Variants in TMEM217 observed in about 807,000 individuals in gnomAD.
TMEM217 encodes the protein chromosome 6 open reading frame 128.
For missense variants in TMEM217, 204 were observed against 248.8 expected (o/e 0.82, Z 1.21); for synonymous variants, 76 against 88.3 (o/e 0.86, Z 0.78).
exon 2 of TMEM217, chr6:37,218,560 C>A: frequency 2.5e-6 from 4 of 1,614,094 alleles, no homozygotes; most frequent in Non-Finnish European, 3.4e-6. Context: ...TGCCCTGGCT[C>A]CGGTTTTTGT....
At chr6:37,216,180 G>A (rs1237647171), downstream of TMEM217, among the ~76,000 whole-genome samples, 3 of 152,070 alleles carry the variant, frequency 2.0e-5, no homozygotes, top group African/African-American at 7.2e-5. Flanking sequence ...CCAAGTTCAA[G>A]CAATTCTCCT....
chr6:37,232,131 AT>A (rs1764236496), intron 1 of TMEM217, among the ~76,000 whole-genome samples: 1 of 152,172 alleles, frequency 6.6e-6, no homozygotes, highest in East Asian at 1.9e-4. Context: ...AATGGAATTT[AT>A]TCTTAAATCT....
At chr6:37,227,985 G>A (rs758608002) in intron 1 of TMEM217, among the ~76,000 whole-genome samples, 4 of 152,062 alleles carry the variant, frequency 2.6e-5, no homozygotes, top group African/African-American at 9.7e-5. Flanking sequence ...TCCATGTTAC[G>A]GAAAGTTTCA....
At chr6:37,212,785 C>G (rs1762981205), downstream of TMEM217, 1 of 716,820 alleles carries the variant, frequency 1.4e-6, no homozygotes, top group African/African-American at 1.7e-5. Flanking sequence ...GAGGGAGAGG[C>G]CAGTGCTGAT....
chr6:37,239,988 A>G (rs951559008), intron 1 of TMEM217, among the ~76,000 whole-genome samples: 2 of 152,112 alleles, frequency 1.3e-5, no homozygotes, highest in African/African-American at 4.8e-5. Flanking sequence ...TTCTTCTAAC[A>G]GGAAATCTGG....
intron 1 of TMEM217, among the ~76,000 whole-genome samples, chr6:37,238,245 A>C (rs1170612463): frequency 6.6e-6 from 1 of 152,114 alleles, no homozygotes; most frequent in Admixed American, 6.6e-5. Context: ...TATTTAAAAC[A>C]TTCAGAACAG....
chr6:37,214,225 TTC>T (rs370031606), downstream of TMEM217, among the ~76,000 whole-genome samples: 78 of 148,926 alleles, frequency 5.2e-4, no homozygotes, highest in East Asian at 7.8e-4. Context: ...AGAACTTCCT[TTC>T]TCTCTCTCTC....
chr6:37,232,019 T>C (rs1764229919), intron 1 of TMEM217, among the ~76,000 whole-genome samples: 1 of 152,108 alleles, frequency 6.6e-6, no homozygotes, highest in African/African-American at 2.4e-5. Context: ...AATTATCTGC[T>C]TTCTCCTTAC....
chr6:37,253,187 T>C (rs1204620086), intron 1 of TMEM217, among the ~76,000 whole-genome samples: 2 of 152,238 alleles, frequency 1.3e-5, no homozygotes, highest in Non-Finnish European at 2.9e-5. Flanking sequence ...CCCTCTTTAA[T>C]GGTATAACAT....
At chr6:37,255,977 A>AC (rs1765703850) in intron 1 of TMEM217, among the ~76,000 whole-genome samples, 1 of 152,286 alleles carries the variant, frequency 6.6e-6, no homozygotes, top group South Asian at 2.1e-4. Context: ...TGTTAACTAC[A>AC]CCCCCTGGGA....
intron 1 of TMEM217, among the ~76,000 whole-genome samples, chr6:37,243,012 C>T (rs1583478943): frequency 1.3e-5 from 2 of 152,258 alleles, no homozygotes; most frequent in East Asian, 1.9e-4. Context: ...GCTGGGAAAG[C>T]AAGTTTCTGG....
At chr6:37,220,483 T>C (rs2113817881) in intron 1 of TMEM217, among the ~76,000 whole-genome samples, 1 of 151,842 alleles carries the variant, frequency 6.6e-6, no homozygotes, top group East Asian at 1.9e-4. Flanking sequence ...AAAGTTGGCT[T>C]GTTAACTACA....
intron 1 of TMEM217, among the ~76,000 whole-genome samples, chr6:37,252,057 C>A (rs1039070409): frequency 6.6e-6 from 1 of 152,148 alleles, no homozygotes; most frequent in African/African-American, 2.4e-5. Flanking sequence ...CCATGCCCAG[C>A]TAATTTTGTA....
intron 1 of TMEM217, among the ~76,000 whole-genome samples, chr6:37,247,911 G>C (rs1765184985): frequency 1.3e-5 from 2 of 152,144 alleles, no homozygotes; most frequent in Admixed American, 1.3e-4. Context: ...TAGTTCTCGG[G>C]AGATGGGGGA....
chr6:37,238,443 A>T (rs1764602209), intron 1 of TMEM217, among the ~76,000 whole-genome samples: 1 of 152,146 alleles, frequency 6.6e-6, no homozygotes, highest in Non-Finnish European at 1.5e-5. Flanking sequence ...TTGCTACCAG[A>T]AGTCTGCTTT....
exon 2 of TMEM217, chr6:37,218,357 G>T: frequency 7.6e-7 from 1 of 1,308,414 alleles, no homozygotes; most frequent in Non-Finnish European, 1.0e-6. Flanking sequence ...TTTTAGTAGA[G>T]ACGGGGTTTT....
intron 1 of TMEM217, among the ~76,000 whole-genome samples, chr6:37,226,708 C>T (rs953052364): frequency 2.0e-5 from 3 of 152,170 alleles, no homozygotes; most frequent in South Asian, 2.1e-4. Flanking sequence ...ATTACAGGCG[C>T]GTGCAACCAC....
At chr6:37,248,448 T>A (rs1765220291) in intron 1 of TMEM217, among the ~76,000 whole-genome samples, 1 of 152,172 alleles carries the variant, frequency 6.6e-6, no homozygotes, top group Non-Finnish European at 1.5e-5. Flanking sequence ...GGCATTCCCC[T>A]CCCTTCACTC....
At chr6:37,253,385 T>C (rs374331634) in intron 1 of TMEM217, among the ~76,000 whole-genome samples, 2 of 152,254 alleles carry the variant, frequency 1.3e-5, no homozygotes, top group East Asian at 3.8e-4. Flanking sequence ...TTCTTAGGAA[T>C]GAAATACCTA....
Sources: allele counts gnomAD v4.1 joint callset (sites outside exome capture counted in the v4.1 genomes callset), GRCh38; gene constraint gnomAD v4.1.1; transcripts MANE v1.5; gene names NCBI Gene and HGNC (gene_info 2026-07-23, HGNC 2026-07-21).